DNAH11: variants seen among roughly 807,000 people sequenced by gnomAD.
DNAH11 encodes axonemal beta dynein heavy chain 11.
A neutral mutation model predicts 526.0 loss-of-function variants in DNAH11; 442 were observed. That is an observed-to-expected ratio of 0.84 (90% confidence interval 0.78 to 0.91). The LOEUF is 0.91. Among genes scored for constraint, DNAH11 ranks in the 40% least tolerant of loss-of-function variants. The probability of loss-of-function intolerance (pLI) is 0.00; values close to 1 mark genes in which losing one functional copy is unlikely to be tolerated. For synonymous variants in DNAH11, 2,461 were observed against 1,935.9 expected (o/e 1.27, Z -7.12); for missense variants, 6,989 against 5,448.7 (o/e 1.28, Z -8.90).
chr7:21,684,028 GGAAACGAT>G lies in DNAH11; in HGVS notation c.5621+88_5621+95del. ...TGAGAATGAAAAGGAAGGAATGAGA[GGAAACGAT>G]GAACAATGAACTATGTGAAAGTGGT... On this transcript the variant is annotated intron_variant, in intron 32 of 81. Transcript: ENST00000409508. The G allele has an allele frequency of 6.8e-6, 9 of 1,317,120 alleles. 1 individual carries two copies. The South Asian group carries it at 1.3e-4, about 19-fold the overall frequency. The allele number at this position is 1,317,120 out of a possible 1,614,324, so 81.6% of individuals were successfully genotyped here.
At chr7:21,548,130 A>G (rs535565654) in intron 2 of DNAH11, among the ~76,000 whole-genome samples, 3 of 129,712 alleles carry the variant, frequency 2.3e-5, no homozygotes. Context: ...ATTTTTTGCT[A>G]GTTTGTTGGC....
intron 34 of DNAH11, among the ~76,000 whole-genome samples, chr7:21,689,515 A>T (rs540546318): frequency 5.9e-5 from 9 of 152,286 alleles, no homozygotes; most frequent in African/African-American, 2.2e-4. Flanking sequence ...TGCCAGCTCT[A>T]CCCTCTGGAG....
chr7:21,581,280 T>C (rs1328784743), intron 8 of DNAH11, among the ~76,000 whole-genome samples: 1 of 152,176 alleles, frequency 6.6e-6, no homozygotes, highest in Non-Finnish European at 1.5e-5. Flanking sequence ...CACCGTTTCA[T>C]TGTAACTATG....
chr7:21,886,238 A>T (rs11770434), intron 76 of DNAH11, among the ~76,000 whole-genome samples: 73,703 of 151,954 alleles, frequency 0.49, 18,455 homozygotes, highest in South Asian at 0.59. Context: ...TAATCATATC[A>T]GTCTAATATT....
At chr7:21,614,505 A>G (rs142054399) in intron 20 of DNAH11, among the ~76,000 whole-genome samples, 8 of 152,324 alleles carry the variant, frequency 5.3e-5, no homozygotes, top group Non-Finnish European at 1.0e-4. Flanking sequence ...TGGTCATCAC[A>G]AAAGAAAAAA....
chr7:21,783,774 A>G (rs914551277), intron 57 of DNAH11, among the ~76,000 whole-genome samples: 1 of 152,126 alleles, frequency 6.6e-6, no homozygotes, highest in African/African-American at 2.4e-5. Context: ...CTGGATCCAC[A>G]AGAGGAGAGT....
intron 6 of DNAH11, among the ~76,000 whole-genome samples, chr7:21,564,981 C>G (rs905578287): frequency 6.6e-6 from 1 of 152,104 alleles, no homozygotes; most frequent in African/African-American, 2.4e-5. Context: ...TCCATGTTCA[C>G]AGTACCAGAG....
intron 77 of DNAH11, among the ~76,000 whole-genome samples, chr7:21,894,282 T>G (rs1432275360): frequency 6.6e-6 from 1 of 152,134 alleles, no homozygotes; most frequent in Admixed American, 6.5e-5. Context: ...TCTGATCATA[T>G]CTTTACATAT....
At chr7:21,635,134 G>A (rs1014133155) in intron 25 of DNAH11, among the ~76,000 whole-genome samples, 9 of 148,166 alleles carry the variant, frequency 6.1e-5, no homozygotes, top group African/African-American at 2.3e-4. Flanking sequence ...GCAGGCTGGT[G>A]GGGGGCAGTT....
chr7:21,791,547 C>G (rs1395006448), intron 61 of DNAH11, among the ~76,000 whole-genome samples: 1 of 152,230 alleles, frequency 6.6e-6, no homozygotes, highest in East Asian at 1.9e-4. Flanking sequence ...CCAAGACCCT[C>G]TGGAGCATCT....
At chr7:21,792,262 C>T (rs948026588) in intron 61 of DNAH11, among the ~76,000 whole-genome samples, 2 of 152,138 alleles carry the variant, frequency 1.3e-5, no homozygotes, top group African/African-American at 4.8e-5. Context: ...TGGGTTGAAT[C>T]CCACGTGATC....
chr7:21,838,380 TC>T (rs1181201903), intron 65 of DNAH11, among the ~76,000 whole-genome samples: 2 of 152,186 alleles, frequency 1.3e-5, no homozygotes, highest in African/African-American at 4.8e-5. Context: ...AGCATCCTTA[TC>T]AAGATATAAG....
chr7:21,587,832 A>G (rs1369231691), intron 9 of DNAH11, among the ~76,000 whole-genome samples: 1 of 152,184 alleles, frequency 6.6e-6, no homozygotes, highest in African/African-American at 2.4e-5. Flanking sequence ...GCAGACAGAC[A>G]GTGGTTCCTT....
rs368679472 is a variant in DNAH11 at position 21,851,274 on chromosome 7, T to G, written c.10897-1193T>G. 1.5e-4 allele frequency: 36 copies of G among 246,614 alleles called. 2 individuals are homozygous for G. The highest frequency in any genetic ancestry group is 1.0e-3 in the South Asian group (18 of 17,838). The allele number at this position is 246,614 out of a possible 1,614,324, so 15.3% of individuals were successfully genotyped here. A position where few individuals can be genotyped will look rare whatever the true frequency, so the allele number is the denominator to read the frequency against. ...CCCTTTGCTGGGCACTTCTCTCTGCTGCCGCCAAGGAAAGAAGGACATGTT... is the reference window on the plus strand; with the variant it reads ...CCCTTTGCTGGGCACTTCTCTCTGCGGCCGCCAAGGAAAGAAGGACATGTT... On this transcript the variant is annotated intron_variant, in intron 66 of 81. Coordinates refer to ENST00000409508, the MANE Select transcript of DNAH11 (RefSeq NM_001277115.2).
intron 34 of DNAH11, among the ~76,000 whole-genome samples, chr7:21,690,211 C>G (rs1783554700): frequency 6.6e-6 from 1 of 152,028 alleles, no homozygotes; most frequent in African/African-American, 2.4e-5. Context: ...ATTAACTTGC[C>G]TAAAAGGGAT....
chr7:21,658,403 C>G (rs1195986359), intron 29 of DNAH11, among the ~76,000 whole-genome samples: 1 of 152,084 alleles, frequency 6.6e-6, no homozygotes, highest in Admixed American at 6.6e-5. Context: ...TAGAATATGA[C>G]TCATACCTCT....
At chr7:21,875,752 G>A (rs1783680099) in intron 74 of DNAH11, among the ~76,000 whole-genome samples, 1 of 151,974 alleles carries the variant, frequency 6.6e-6, no homozygotes, top group African/African-American at 2.4e-5. Flanking sequence ...CCCTAGTTAA[G>A]AACACCTGTT....
At position 21,606,615 on chromosome 7, in the gene DNAH11, C is replaced by CTTTTTT. The variant is rs372802563; in HGVS notation, c.3766-17_3766-12dup. The CTTTTTT allele has an allele frequency of 1.1e-4, 135 of 1,195,264 alleles. 4 individuals are homozygous for CTTTTTT. Among genetic ancestry groups the CTTTTTT allele is most frequent in the East Asian group, 5.0e-4 (18 of 36,046 alleles). 74.0% of individuals were successfully genotyped at this position (1,195,264 alleles called of 1,614,324 possible). A position where few individuals can be genotyped will look rare whatever the true frequency, so the allele number is the denominator to read the frequency against. On this transcript the variant is annotated intron_variant, in intron 19 of 81. Transcript: ENST00000409508. ...AATTGAAGTATTTGTTTGAAATTCA[C>CTTTTTT]TTTTTTTTTTTTTTTTTTTTGCAAT...
intron 45 of DNAH11, among the ~76,000 whole-genome samples, chr7:21,728,886 C>A (rs1785255374): frequency 6.6e-6 from 1 of 152,250 alleles, no homozygotes. Context: ...AAATAATCTT[C>A]TTTGGCTCAA....
Sources: allele counts gnomAD v4.1 joint callset (sites outside exome capture counted in the v4.1 genomes callset), GRCh38; gene constraint gnomAD v4.1.1; transcripts MANE v1.5; gene names NCBI Gene and HGNC (gene_info 2026-07-23, HGNC 2026-07-21).